Variants in UQCRFS1 observed in about 807,000 individuals in gnomAD.
UQCRFS1 encodes cytochrome b-c1 complex subunit Rieske, mitochondrial.
A neutral mutation model predicts 15.6 loss-of-function variants in UQCRFS1; 6 were observed. That is an observed-to-expected ratio of 0.38 (90% CI 0.21 to 0.76). The LOEUF (loss-of-function observed/expected upper bound fraction) is 0.76. UQCRFS1 is among the 30% of genes least tolerant of loss of function. The pLI is 0.44. For synonymous variants in UQCRFS1, 105 were observed against 154.3 expected, an observed-to-expected ratio of 0.68 and a Z score of 2.37; for missense variants, 203 against 366.7, an observed-to-expected ratio of 0.55 and a Z score of 3.65.
At position 29,213,023 on chromosome 19, in the gene UQCRFS1, G is replaced by A; in HGVS notation, c.96C>T (p.Ala32=). The change falls in exon 1 of 2, where the codon GCC becomes GCT. Residue 32 remains alanine (A), a synonymous_variant. Coordinates refer to ENST00000304863, the MANE Select transcript of UQCRFS1 (RefSeq NM_006003.3). ...GCTGCTCCGGGGTGGCGGGCACCGT[G>A]GCCTGCACCAAGGGCCGCAGCGCGC... The part of the protein sequence containing the change: ...VAGALRPLVQ[A]TVPATPEQPV... The A allele has an allele frequency of 1.4e-6, 2 of 1,427,146 alleles. No homozygotes were observed. The highest frequency in any genetic ancestry group is 1.8e-6 in the Non-Finnish European group (2 of 1,104,392). The allele number at this position is 1,427,146 out of a possible 1,614,324, so 88.4% of individuals were successfully genotyped here.
Position 29,207,681 on chromosome 19 carries a change from A to T in UQCRFS1, c.692T>A (p.Phe231Tyr). ...GCVPIANAGD[F>Y]GGYYCPCHGS... ...ATGGCAAGGGCAGTAATAACCACCA[A>T]AATCTCCTGCATTTGCAATGGGTAC... The change falls in exon 2 of 2, where the codon TTT (phenylalanine) becomes TAT (tyrosine). Residue 231 changes from phenylalanine to tyrosine, a missense_variant. Phe to Tyr is a conservative substitution (Grantham distance 22). This residue lies in a region of UQCRFS1 where 91 missense variants were observed against 186.9 expected (regional missense o/e 0.49). Coordinates refer to ENST00000304863, the MANE Select transcript of UQCRFS1 (RefSeq NM_006003.3). 1 of 1,613,910 alleles carries T rather than the reference A, an allele frequency of 6.2e-7. No homozygotes were observed. The highest frequency in any genetic ancestry group is 1.1e-5 in the South Asian group (1 of 91,074).
chr19:29,210,802 T>C (rs572820944), intron 1 of UQCRFS1, among the ~76,000 whole-genome samples: 1 of 152,320 alleles, frequency 6.6e-6, no homozygotes, highest in East Asian at 1.9e-4. Context: ...CTATTGTGAA[T>C]AGTGCCCCAA....
At position 29,213,149 on chromosome 19, in the gene UQCRFS1, C is replaced by CACAGGGAA; in HGVS notation, c.-32_-31insTTCCCTGT. 1 of 1,518,266 alleles carries CACAGGGAA rather than the reference C, an allele frequency of 6.6e-7. No individual in the cohort carries two copies. The allele number at this position is 1,518,266 out of a possible 1,614,324, so 94.0% of individuals were successfully genotyped here. On this transcript the variant is annotated 5_prime_UTR_variant, in exon 1 of 2. Transcript: ENST00000304863. ...CAGCCGCTCCAACCGCCAAGCCGGTCACAGGGACGACCTTCCAACCACGGC... is the reference window on the plus strand; with the variant it reads ...CAGCCGCTCCAACCGCCAAGCCGGTCACAGGGAAACAGGGACGACCTTCCAACCACGGC...
rs766172566 is a variant in UQCRFS1 at position 29,208,140 on chromosome 19, T to A, written c.233A>T (p.Tyr78Phe). Residue 78 changes from tyrosine to phenylalanine, a missense_variant, in exon 2 of 2, where the codon TAT becomes TTT. Tyr to Phe is a conservative substitution (Grantham distance 22). Around this residue, in one of 3 missense-constraint regions of UQCRFS1, gnomAD observed 92 missense variants for 120.5 expected, o/e 0.76. Coordinates refer to ENST00000304863, the MANE Select transcript of UQCRFS1 (RefSeq NM_006003.3). ...VGLNVPASVC[Y>F]SHTDIKVPDF... ...AGGCACCTTGATGTCTGTGTGGGAATAACAAACAGAAGCAGGGACTGCAAG... is the reference window on the plus strand; with the variant it reads ...AGGCACCTTGATGTCTGTGTGGGAAAAACAAACAGAAGCAGGGACTGCAAG... The A allele has an allele frequency of 3.7e-6, 6 of 1,610,520 alleles. No homozygotes were observed. In the African/African-American group the frequency reaches 8.0e-5, roughly 22 times the overall value.
intron 1 of UQCRFS1, among the ~76,000 whole-genome samples, chr19:29,209,581 T>C (rs966761159): frequency 6.6e-6 from 1 of 152,124 alleles, no homozygotes; most frequent in Admixed American, 6.5e-5. Flanking sequence ...ACACAGATAA[T>C]GGCAACTTGA....
chr19:29,210,414 GGTTA>G (rs1413821548), intron 1 of UQCRFS1, among the ~76,000 whole-genome samples: 2 of 151,976 alleles, frequency 1.3e-5, no homozygotes, highest in African/African-American at 2.4e-5. Context: ...ACAATGTGCA[GGTTA>G]GTTACATATG....
Position 29,207,421 on chromosome 19 carries a change from G to C in UQCRFS1, c.*127C>G. 8.7e-7 allele frequency: 1 copy of C among 1,146,246 alleles called. No homozygotes were observed. The highest frequency in any genetic ancestry group is 1.2e-6 in the Non-Finnish European group (1 of 824,958). 71.0% of individuals were successfully genotyped at this position (1,146,246 alleles called of 1,614,324 possible). On this transcript the variant is annotated 3_prime_UTR_variant, in exon 2 of 2. Coordinates refer to ENST00000304863, the MANE Select transcript of UQCRFS1 (RefSeq NM_006003.3). Reference sequence around the variant, plus strand: ...TAAATTCAATTTATTTCACATTAATGTTTGCAAATACATCATCAATTCTTA... The same window carrying C: ...TAAATTCAATTTATTTCACATTAATCTTTGCAAATACATCATCAATTCTTA...
intron 1 of UQCRFS1, among the ~76,000 whole-genome samples, chr19:29,212,429 G>A (rs531215488): frequency 6.6e-6 from 1 of 152,006 alleles, no homozygotes; most frequent in South Asian, 2.1e-4. Flanking sequence ...GACATGAAGG[G>A]ATCGGTAGTG....
At position 29,207,450 on chromosome 19, in the gene UQCRFS1, A is replaced by G. The variant is rs1327849990; in HGVS notation, c.*98T>C. On this transcript the variant is annotated 3_prime_UTR_variant, in exon 2 of 2. Transcript: ENST00000304863. The stretch of plus-strand genomic sequence containing the variant: ...GCAAATACATCATCAATTCTTACAT[A>G]TTTCAAATCAACTTCAAGTACAGAA... The G allele has an allele frequency of 7.5e-7, 1 of 1,335,334 alleles. No homozygotes were observed. Among genetic ancestry groups the G allele is most frequent in the African/African-American group, 1.5e-5 (1 of 67,632 alleles). 82.7% of individuals were successfully genotyped at this position (1,335,334 alleles called of 1,614,324 possible). A position where few individuals can be genotyped will look rare whatever the true frequency, so the allele number is the denominator to read the frequency against.
intron 1 of UQCRFS1, among the ~76,000 whole-genome samples, chr19:29,212,190 A>G (rs931604511): frequency 1.3e-5 from 2 of 152,178 alleles, no homozygotes; most frequent in African/African-American, 4.8e-5. Flanking sequence ...CCCTGCGAAG[A>G]GCTCAGTGGC....
chr19:29,212,597 G>A (rs1363753079), intron 1 of UQCRFS1, among the ~76,000 whole-genome samples: 3 of 152,182 alleles, frequency 2.0e-5, no homozygotes, highest in South Asian at 2.1e-4. Flanking sequence ...CAGGAAGTAC[G>A]TTTAGAAACT....
chr19:29,211,873 G>A (rs1976654928), intron 1 of UQCRFS1, among the ~76,000 whole-genome samples: 1 of 152,030 alleles, frequency 6.6e-6, no homozygotes, highest in Non-Finnish European at 1.5e-5. Context: ...GCTGGTAACA[G>A]AATGAAACAC....
rs552052721 is a variant in UQCRFS1, at chr19:29,205,669, G to A, written c.*1879C>T. Reference sequence around the variant, plus strand: ...CTGATGTCAGGGTGCTAGCTGGTCAGGTTTATTCTGTAAGTAATTTTCTCC... The same window carrying A: ...CTGATGTCAGGGTGCTAGCTGGTCAAGTTTATTCTGTAAGTAATTTTCTCC... On this transcript the variant is annotated 3_prime_UTR_variant, in exon 2 of 2. Transcript: ENST00000304863. 1 of 152,290 alleles carries A rather than the reference G, an allele frequency of 6.6e-6. No homozygotes were observed. The highest frequency in any genetic ancestry group is 6.5e-5 in the Admixed American group (1 of 15,300). The allele number at this position is 152,290 out of a possible 1,614,324, so 9.4% of individuals were successfully genotyped here. A position where few individuals can be genotyped will look rare whatever the true frequency, so the allele number is the denominator to read the frequency against.
At chr19:29,211,887 G>A (rs961498072) in intron 1 of UQCRFS1, among the ~76,000 whole-genome samples, 6 of 152,188 alleles carry the variant, frequency 3.9e-5, no homozygotes, top group Admixed American at 2.6e-4. Flanking sequence ...GAAACACGCA[G>A]ACCTGGTAAA....
intron 1 of UQCRFS1, among the ~76,000 whole-genome samples, chr19:29,211,105 G>C (rs1367293368): frequency 6.6e-6 from 1 of 152,062 alleles, no homozygotes. Context: ...CTAAAAATTG[G>C]GAGAAAATTT....
Position 29,206,914 on chromosome 19 carries a change from G to C in UQCRFS1, c.*634C>G, listed in dbSNP as rs1283634491. 6.6e-6 allele frequency: 1 copy of C among 152,332 alleles called. No individual in the cohort carries two copies. The highest frequency in any genetic ancestry group is 1.5e-5 in the Non-Finnish European group (1 of 68,174). 9.4% of individuals were successfully genotyped at this position (152,332 alleles called of 1,614,324 possible). A position where few individuals can be genotyped will look rare whatever the true frequency, so the allele number is the denominator to read the frequency against. On this transcript the variant is annotated 3_prime_UTR_variant, in exon 2 of 2. Coordinates refer to ENST00000304863, the MANE Select transcript of UQCRFS1 (RefSeq NM_006003.3). ...ATTAAGTACTAATTTACACTCATAA[G>C]GGACTAATAAAATTTCCTGGCCTGT... is the stretch of plus-strand genomic sequence containing the variant.
Position 29,207,708 on chromosome 19 carries a change from C to T in UQCRFS1, c.665G>A (p.Cys222Tyr). The T allele has an allele frequency of 6.2e-7, 1 of 1,613,990 alleles. No homozygotes were observed. The highest frequency in any genetic ancestry group is 8.5e-7 in the Non-Finnish European group (1 of 1,179,870). Residue 222 changes from cysteine (C) to tyrosine (Y), a missense_variant, in exon 2 of 2, where the codon TGT becomes TAT. Cys to Tyr is a radical substitution (Grantham distance 194). Transcript: ENST00000304863. ...ATCTCCTGCATTTGCAATGGGTACA[C>T]AGCCAAGATGAGTGCAAACACCTAT... The part of the protein sequence containing the change: ...ILIGVCTHLG[C>Y]VPIANAGDFG...
rs1343010371 is a variant in UQCRFS1, at chr19:29,205,507, T to G, written c.*2041A>C. 6.6e-6 allele frequency: 1 copy of G among 152,190 alleles called. No homozygotes were observed. The allele number at this position is 152,190 out of a possible 1,614,324, so 9.4% of individuals were successfully genotyped here. On this transcript the variant is annotated 3_prime_UTR_variant, in exon 2 of 2. Coordinates refer to ENST00000304863, the MANE Select transcript of UQCRFS1 (RefSeq NM_006003.3). ...TATGCTCAGAAAGACCAAAGAAAAT[T>G]TGATGTTATCTTTAACAAATAATGC...
At chr19:29,212,110 G>A (rs1201621097) in intron 1 of UQCRFS1, among the ~76,000 whole-genome samples, 1 of 152,168 alleles carries the variant, frequency 6.6e-6, no homozygotes, top group African/African-American at 2.4e-5. Context: ...TCCGATACAG[G>A]GCCAAGTAAA....
Sources: gnomAD v4.1 joint callset for allele counts (sites outside exome capture counted in the v4.1 genomes callset) on GRCh38, gnomAD v4.1.1 for gene constraint, gnomAD v4.1.1 regional missense constraint, MANE v1.5 for transcripts, NCBI Gene and HGNC (gene_info 2026-07-23, HGNC 2026-07-21) for gene names.